The following ARB2A variants were observed in gnomAD, a reference collection of about 807,000 sequenced individuals.
The protein encoded by ARB2A is ARB2 cotranscriptional regulator A, also known as cotranscriptional regulator ARB2A.
chr5:93,988,064 TTCA>T, the ARB2A span, among the ~76,000 whole-genome samples: 9 of 152,138 alleles, frequency 5.9e-5, no homozygotes, highest in African/African-American at 2.2e-4. Context: ...CTTACATTCA[TTCA>T]TCAAGTCCCT....
At chr5:93,993,611 A>T in the ARB2A span, among the ~76,000 whole-genome samples, 37 of 152,240 alleles carry the variant, frequency 2.4e-4, no homozygotes, top group Non-Finnish European at 4.3e-4. Context: ...TGAATTATAG[A>T]GCTATTTTTA....
At chr5:93,841,869 G>GCAA in the ARB2A span, among the ~76,000 whole-genome samples, 1 of 152,102 alleles carries the variant, frequency 6.6e-6, no homozygotes, top group African/African-American at 2.4e-5. Context: ...AGGTTGACAT[G>GCAA]AAAAAACACC....
the ARB2A span, among the ~76,000 whole-genome samples, chr5:94,094,476 C>A: frequency 6.6e-6 from 1 of 152,130 alleles, no homozygotes; most frequent in Non-Finnish European, 1.5e-5. Flanking sequence ...TTTCAACATA[C>A]AAATTGGAGG....
the ARB2A span, among the ~76,000 whole-genome samples, chr5:94,096,979 C>T: frequency 2.6e-5 from 4 of 152,172 alleles, no homozygotes; most frequent in African/African-American, 9.7e-5. Context: ...CTCAATGACC[C>T]CCATGGACAC....
chr5:93,752,168 C>T, the ARB2A span, among the ~76,000 whole-genome samples: 1 of 152,020 alleles, frequency 6.6e-6, no homozygotes, highest in African/African-American at 2.4e-5. Flanking sequence ...AGAGGGCAAG[C>T]GAAGTAAAGA....
the ARB2A span, among the ~76,000 whole-genome samples, chr5:94,038,233 T>C: frequency 6.6e-6 from 1 of 152,078 alleles, no homozygotes; most frequent in Non-Finnish European, 1.5e-5. Context: ...TTACATGCTG[T>C]TTCTACCAAC....
the ARB2A span, chr5:93,805,425 G>A: frequency 2.0e-6 from 2 of 985,068 alleles, no homozygotes; most frequent in Non-Finnish European, 2.4e-6. Flanking sequence ...GAAATGTTTA[G>A]AGTGTAAGCA....
the ARB2A span, among the ~76,000 whole-genome samples, chr5:93,624,076 T>C: frequency 2.0e-5 from 3 of 152,178 alleles, no homozygotes; most frequent in African/African-American, 7.2e-5. Flanking sequence ...AGCAGGTTTC[T>C]AGTACTTAAA....
At chr5:93,976,141 ATTTT>A in the ARB2A span, among the ~76,000 whole-genome samples, 5 of 152,094 alleles carry the variant, frequency 3.3e-5, no homozygotes, top group African/African-American at 1.2e-4. Flanking sequence ...AACAAAAACG[ATTTT>A]TTGTTATTTA....
the ARB2A span, among the ~76,000 whole-genome samples, chr5:93,935,923 C>A: frequency 1.3e-5 from 2 of 152,016 alleles, no homozygotes; most frequent in African/African-American, 2.4e-5. Context: ...TTGGCAAATT[C>A]AAACAGGAAA....
the ARB2A span, among the ~76,000 whole-genome samples, chr5:93,994,281 C>T: frequency 3.9e-5 from 6 of 152,062 alleles, no homozygotes; most frequent in Non-Finnish European, 7.4e-5. Context: ...CCATCGATGG[C>T]TGAATAAAGA....
the ARB2A span, among the ~76,000 whole-genome samples, chr5:93,835,365 G>C: frequency 6.6e-6 from 1 of 152,200 alleles, no homozygotes; most frequent in African/African-American, 2.4e-5. Context: ...TGCTTACAGT[G>C]ACAGGTTCAC....
chr5:93,924,585 CCAA>C, the ARB2A span, among the ~76,000 whole-genome samples: 1 of 152,112 alleles, frequency 6.6e-6, no homozygotes, highest in East Asian at 1.9e-4. Flanking sequence ...ATATATATTA[CCAA>C]CAAATGTTTT....
the ARB2A span, among the ~76,000 whole-genome samples, chr5:93,956,142 C>T: frequency 2.6e-5 from 4 of 152,180 alleles, no homozygotes; most frequent in Admixed American, 2.0e-4. Flanking sequence ...CACCATTCCT[C>T]CAACATGAAC....
chr5:93,722,387 A>G, the ARB2A span, among the ~76,000 whole-genome samples: 1 of 152,140 alleles, frequency 6.6e-6, no homozygotes, highest in Non-Finnish European at 1.5e-5. Flanking sequence ...TATGCACAGT[A>G]AATAATGTGT....
At chr5:94,027,230 T>C in the ARB2A span, among the ~76,000 whole-genome samples, 2 of 152,192 alleles carry the variant, frequency 1.3e-5, no homozygotes, top group Non-Finnish European at 2.9e-5. Context: ...ATATATTTGG[T>C]CTTCAACCAT....
the ARB2A span, among the ~76,000 whole-genome samples, chr5:93,930,255 CGA>C: frequency 2.6e-5 from 4 of 152,082 alleles, no homozygotes; most frequent in African/African-American, 9.7e-5. Flanking sequence ...AGCATTTATA[CGA>C]GAGTCTGTCT....
chr5:93,812,407 T>C, the ARB2A span, among the ~76,000 whole-genome samples: 1 of 152,152 alleles, frequency 6.6e-6, no homozygotes, highest in South Asian at 2.1e-4. Flanking sequence ...AAGTCAAGTT[T>C]TCTTTGTTGT....
At chr5:93,964,392 A>G in the ARB2A span, 3 of 1,224,798 alleles carry the variant, frequency 2.4e-6, no homozygotes, top group Non-Finnish European at 2.3e-6. Context: ...CTTCTGAATT[A>G]AAAACTATTT....
Sources: allele counts gnomAD v4.1 joint callset (sites outside exome capture counted in the v4.1 genomes callset), GRCh38; gene constraint gnomAD v4.1.1; transcripts MANE v1.5; gene names NCBI Gene and HGNC (gene_info 2026-07-23, HGNC 2026-07-21).